The following ERBB4 variants were observed in gnomAD, a reference collection of about 807,000 sequenced individuals.
The protein encoded by ERBB4 is receptor tyrosine-protein kinase erbB-4.
ERBB4 carries 42 observed loss-of-function variants against 158.0 expected under a neutral mutation model. The observed-to-expected ratio is 0.27, with a 90% CI of 0.21 to 0.34. The LOEUF (loss-of-function observed/expected upper bound fraction) is 0.34. Among genes scored for constraint, ERBB4 ranks in the 10% least tolerant of loss-of-function variants. The probability of loss-of-function intolerance (pLI) is 1.00; values close to 1 mark genes in which losing one functional copy is unlikely to be tolerated. For missense variants in ERBB4, 1,333 were observed against 1,624.1 expected, an observed-to-expected ratio of 0.82 and a Z score of 3.08; for synonymous variants, 583 against 558.7, an observed-to-expected ratio of 1.04 and a Z score of -0.61.
At position 211,570,663 on chromosome 2, in the gene ERBB4, C is replaced by T. The variant is rs183531912; in HGVS notation, c.2302-8575G>A. Among the ~76,000 whole-genome samples, 173 of 152,270 alleles carry T rather than the reference C, an allele frequency of 1.1e-3. 1 individual carries two copies. The highest frequency in any genetic ancestry group is 3.9e-3 in the African/African-American group (161 of 41,562). ...TACAACTTCACCTTCACTGTGCTTA[C>T]CACCTTCACTGTAACTACAAGGACA... On this transcript the variant is annotated intron_variant, in intron 19 of 27. Transcript: ENST00000342788.
intron 1 of ERBB4, among the ~76,000 whole-genome samples, chr2:212,314,019 A>G (rs1433221873): frequency 6.6e-6 from 1 of 151,088 alleles, no homozygotes; most frequent in Non-Finnish European, 1.5e-5. Flanking sequence ...ACAGTGAAAA[A>G]TATAGTTAAA....
chr2:211,628,541 T>C (rs2069957596), intron 17 of ERBB4, among the ~76,000 whole-genome samples: 1 of 152,252 alleles, frequency 6.6e-6, no homozygotes, highest in Non-Finnish European at 1.5e-5. Flanking sequence ...GGTGTATATG[T>C]GCCACATTTT....
chr2:211,952,102 G>A (rs1202962926), intron 2 of ERBB4, among the ~76,000 whole-genome samples: 1 of 151,990 alleles, frequency 6.6e-6, no homozygotes, highest in Non-Finnish European at 1.5e-5. Context: ...TTTAAAAAGA[G>A]TTACAGGAGA....
intron 4 of ERBB4, among the ~76,000 whole-genome samples, chr2:211,755,075 T>C (rs1327733873): frequency 6.6e-6 from 1 of 152,130 alleles, no homozygotes; most frequent in Non-Finnish European, 1.5e-5. Context: ...GACATTTCCA[T>C]GTAGCTCGGT....
intron 19 of ERBB4, among the ~76,000 whole-genome samples, chr2:211,574,521 A>G (rs549008584): frequency 4.6e-5 from 7 of 152,324 alleles, no homozygotes; most frequent in Middle Eastern, 6.8e-3. Flanking sequence ...CAGTTTACTT[A>G]TTAATCTTAC....
intron 2 of ERBB4, among the ~76,000 whole-genome samples, chr2:212,083,180 A>G (rs2078496873): frequency 1.3e-5 from 2 of 152,188 alleles, no homozygotes; most frequent in South Asian, 4.1e-4. Context: ...TTTTTTTGAT[A>G]GAATTACAAA....
chr2:212,462,577 G>A (rs1688628916), intron 1 of ERBB4, among the ~76,000 whole-genome samples: 1 of 151,892 alleles, frequency 6.6e-6, no homozygotes, highest in Non-Finnish European at 1.5e-5. Context: ...AGTTAGAATG[G>A]GTATTCTCAA....
chr2:212,139,541 A>G (rs190629227), intron 1 of ERBB4, among the ~76,000 whole-genome samples: 1 of 152,116 alleles, frequency 6.6e-6, no homozygotes, highest in Non-Finnish European at 1.5e-5. Flanking sequence ...AAAGTAGAGA[A>G]TAATTGATGA....
chr2:212,045,708 CTT>C (rs942112006), intron 2 of ERBB4, among the ~76,000 whole-genome samples: 3 of 152,130 alleles, frequency 2.0e-5, no homozygotes, highest in African/African-American at 7.2e-5. Flanking sequence ...CCTGAAAAGG[CTT>C]CTTTCTCCTG....
chr2:212,052,247 G>A (rs539408209), intron 2 of ERBB4, among the ~76,000 whole-genome samples: 61 of 152,300 alleles, frequency 4.0e-4, no homozygotes, highest in Non-Finnish European at 7.5e-4. Context: ...TAGCTCTTCA[G>A]CTTCTGGACC....
At chr2:212,132,347 T>C (rs2080130927) in intron 1 of ERBB4, among the ~76,000 whole-genome samples, 1 of 152,156 alleles carries the variant, frequency 6.6e-6, no homozygotes, top group East Asian at 1.9e-4. Context: ...TGTCACTTGA[T>C]TGGGCCACAG....
At chr2:212,118,198 C>G (rs780732906) in intron 2 of ERBB4, among the ~76,000 whole-genome samples, 1 of 152,102 alleles carries the variant, frequency 6.6e-6, no homozygotes, top group Non-Finnish European at 1.5e-5. Flanking sequence ...GTAGGCTAAA[C>G]GTAAATATTT....
At chr2:211,736,534 C>T (rs73085039) in intron 5 of ERBB4, among the ~76,000 whole-genome samples, 13,878 of 152,078 alleles carry the variant, frequency 0.091, 1,850 homozygotes, top group African/African-American at 0.29. Flanking sequence ...TTAGAGAAAC[C>T]GATCTCTGTG....
chr2:211,597,879 C>A (rs1193015597), intron 19 of ERBB4, among the ~76,000 whole-genome samples: 2 of 151,840 alleles, frequency 1.3e-5, no homozygotes, highest in Non-Finnish European at 2.9e-5. Flanking sequence ...TAAAATTTCC[C>A]CAAAAAGAAA....
intron 2 of ERBB4, among the ~76,000 whole-genome samples, chr2:212,078,712 C>A (rs925055122): frequency 1.3e-5 from 2 of 151,640 alleles, no homozygotes; most frequent in African/African-American, 4.8e-5. Context: ...CCACCATTTG[C>A]AGTTAAGAGA....
intron 20 of ERBB4, among the ~76,000 whole-genome samples, chr2:211,484,030 A>T (rs1317528109): frequency 6.6e-6 from 1 of 152,256 alleles, no homozygotes; most frequent in Non-Finnish European, 1.5e-5. Context: ...GAAAGAATTT[A>T]AAATCAGTAT....
At chr2:212,290,046 A>G (rs1239626834) in intron 1 of ERBB4, among the ~76,000 whole-genome samples, 1 of 152,144 alleles carries the variant, frequency 6.6e-6, no homozygotes, top group East Asian at 1.9e-4. Flanking sequence ...TATATAGTAA[A>G]ATTCCTAGTA....
At chr2:211,993,172 C>T (rs576551953) in intron 2 of ERBB4, among the ~76,000 whole-genome samples, 5 of 152,240 alleles carry the variant, frequency 3.3e-5, no homozygotes, top group African/African-American at 4.8e-5. Context: ...TAACTGTATA[C>T]GGAGATAGGA....
At chr2:211,981,383 T>C (rs1163749952) in intron 2 of ERBB4, among the ~76,000 whole-genome samples, 1 of 152,222 alleles carries the variant, frequency 6.6e-6, no homozygotes, top group African/African-American at 2.4e-5. Flanking sequence ...CTTTGGGAAC[T>C]GCTGTGTTAC....
Sources: gnomAD v4.1 joint callset for allele counts (sites outside exome capture counted in the v4.1 genomes callset) on GRCh38, gnomAD v4.1.1 for gene constraint, MANE v1.5 for transcripts, NCBI Gene and HGNC (gene_info 2026-07-23, HGNC 2026-07-21) for gene names.